Variants in XRN1 observed in about 807,000 individuals in gnomAD.
XRN1 encodes 5'-3' exoribonuclease 1.
XRN1 carries 67 observed loss-of-function variants against 222.3 expected under a neutral mutation model. That is an observed-to-expected ratio of 0.30 (90% CI 0.25 to 0.37). XRN1 has a LOEUF of 0.37. XRN1 is among the 10% of genes least tolerant of loss of function. The pLI is 1.00. For synonymous variants in XRN1, 643 were observed against 652.4 expected (o/e 0.99, Z 0.22); for missense variants, 1,707 against 2,000.2 (o/e 0.85, Z 2.80).
chr3:142,396,274 A>G (rs2067928845), intron 20 of XRN1, among the ~76,000 whole-genome samples: 1 of 152,194 alleles, frequency 6.6e-6, no homozygotes, highest in African/African-American at 2.4e-5. Context: ...AGGAGTCTTG[A>G]CTAAAATATT....
chr3:142,397,577 C>T (rs2067977285), intron 19 of XRN1, 117 bp from the exon 20 acceptor site: 5 of 682,846 alleles, frequency 7.3e-6, no homozygotes, highest in Non-Finnish European at 1.1e-5. Context: ...GCAAAAAACC[C>T]CACAACTGTA....
At chr3:142,321,105 CT>C (rs573856556) in intron 37 of XRN1, among the ~76,000 whole-genome samples, 432 of 87,296 alleles carry the variant, frequency 4.9e-3, no homozygotes, top group African/African-American at 0.018. Context: ...CATCCACTTC[CT>C]TTTTTTTTTT....
chr3:142,337,874 C>T (rs554584609), intron 33 of XRN1, among the ~76,000 whole-genome samples: 5 of 152,226 alleles, frequency 3.3e-5, no homozygotes, highest in Admixed American at 2.0e-4. Context: ...AGAGAATGGG[C>T]ATAAATTAGC....
chr3:142,431,912 AAAT>A (rs1175268408), intron 2 of XRN1, among the ~76,000 whole-genome samples: 5 of 41,368 alleles, frequency 1.2e-4, no homozygotes, highest in Non-Finnish European at 2.1e-4. Flanking sequence ...TTATATATAT[AAAT>A]ATATATAATA....
At chr3:142,398,087 T>TA (rs969134516) in intron 19 of XRN1, among the ~76,000 whole-genome samples, 2 of 150,940 alleles carry the variant, frequency 1.3e-5, no homozygotes, top group East Asian at 3.9e-4. Context: ...CAAAGAAAAA[T>TA]AAAAAAAATA....
rs1414340678 is a variant in XRN1 at position 142,423,574 on chromosome 3, G to T, written c.696C>A (p.Gly232=). Residue 232 remains glycine, a synonymous_variant, in exon 6 of 41, where the codon GGC becomes GGA. Coordinates refer to ENST00000392981, the MANE Select transcript of XRN1 (RefSeq NM_001282857.2). The part of the protein sequence containing the change: ...SLLREEVRFG[G]KKTQRVCAPE... Reference sequence around the variant, plus strand: ...ATATAATTTACCGTTGTGTTTTTTTGCCACCAAATCGAACTTCTTCTCTTA... The same window carrying T: ...ATATAATTTACCGTTGTGTTTTTTTTCCACCAAATCGAACTTCTTCTCTTA... 5 of 1,596,048 alleles carry T rather than the reference G, an allele frequency of 3.1e-6. No individual in the cohort carries two copies. The highest frequency in any genetic ancestry group is 2.6e-6 in the Non-Finnish European group (3 of 1,173,180).
Position 142,311,385 on chromosome 3 carries a change from G to GA in XRN1, c.*125dup. On this transcript the variant is annotated 3_prime_UTR_variant, in exon 41 of 41. Coordinates refer to ENST00000392981, the MANE Select transcript of XRN1 (RefSeq NM_001282857.2). Reference sequence around the variant, plus strand: ...GAAAAGTGCCTGATAACTTAAAAATGAAAAAAATTTCAATTTACACATATT... The same window carrying GA: ...GAAAAGTGCCTGATAACTTAAAAATGAAAAAAAATTTCAATTTACACATATT... 2 of 941,302 alleles carry GA rather than the reference G, an allele frequency of 2.1e-6. No homozygotes were observed. The highest frequency in any genetic ancestry group is 2.8e-5 in the East Asian group (1 of 36,286). 58.3% of individuals were successfully genotyped at this position (941,302 alleles called of 1,614,324 possible).
At chr3:142,413,997 G>A (rs2068690726) in intron 14 of XRN1, 138 bp downstream of exon 14, 1 of 898,264 alleles carries the variant, frequency 1.1e-6, no homozygotes, top group African/African-American at 1.7e-5. Flanking sequence ...CAAGGGACTT[G>A]TTAAAAAAAT....
At position 142,311,595 on chromosome 3, in the gene XRN1, G is replaced by T; in HGVS notation, c.5001C>A (p.His1667Gln). The change falls in exon 41 of 41, where the codon CAC becomes CAA. Residue 1667 changes from histidine (H) to glutamine (Q), a missense_variant. This residue lies in a region of XRN1 where 473 missense variants were observed against 482.0 expected (regional missense o/e 0.98). Transcript: ENST00000392981. ...ETASQGHSISHHKSTPISSSR... is the reference protein window; with the variant it reads ...ETASQGHSISQHKSTPISSSR... ...AAGAAGAGATTGGTGTTGACTTATG[G>T]TGAGATATACTATGGCCTTGAGAGG... The T allele has an allele frequency of 6.2e-7, 1 of 1,614,052 alleles. No individual in the cohort carries two copies.
At chr3:142,376,382 C>A (rs1311584249) in intron 24 of XRN1, 97 bp downstream of exon 24, 20 of 957,232 alleles carry the variant, frequency 2.1e-5, no homozygotes, top group Non-Finnish European at 3.2e-5. Flanking sequence ...CAATCCAGAG[C>A]AATTAATAAG....
intron 20 of XRN1, among the ~76,000 whole-genome samples, chr3:142,395,505 C>G (rs1217799159): frequency 1.3e-5 from 2 of 152,144 alleles, no homozygotes; most frequent in Non-Finnish European, 2.9e-5. Context: ...AGTTCAAGCT[C>G]ATTCAGAAGG....
chr3:142,418,371 T>C, intron 12 of XRN1, 133 bp downstream of exon 12: 3 of 635,474 alleles, frequency 4.7e-6, no homozygotes, highest in East Asian at 2.9e-5. Flanking sequence ...ACCAGACTAG[T>C]TGAAACATAC....
chr3:142,405,179 C>A, intron 15 of XRN1, 103 bp from the exon 16 acceptor site: 1 of 1,230,182 alleles, frequency 8.1e-7, no homozygotes, highest in Admixed American at 2.5e-5. Flanking sequence ...ACCATTTGTG[C>A]TCTTGAAAAA....
At chr3:142,384,189 G>A (rs1413149028) in intron 21 of XRN1, among the ~76,000 whole-genome samples, 3 of 150,926 alleles carry the variant, frequency 2.0e-5, no homozygotes, top group South Asian at 2.1e-4. Flanking sequence ...GGAGAATGGC[G>A]TGAACCCAGA....
At chr3:142,421,604 C>G in intron 8 of XRN1, 61 bp from the exon 9 acceptor site, 3 of 1,231,758 alleles carry the variant, frequency 2.4e-6, no homozygotes, top group Non-Finnish European at 3.5e-6. Context: ...AACAATTCTA[C>G]AAAACTCTTT....
At chr3:142,422,384 T>C (rs1372968478) in intron 8 of XRN1, among the ~76,000 whole-genome samples, 198 bp downstream of exon 8, 1 of 152,196 alleles carries the variant, frequency 6.6e-6, no homozygotes, top group African/African-American at 2.4e-5. Flanking sequence ...TAATTGAGGT[T>C]CGTTAACTCT....
chr3:142,380,956 A>G (rs1485551447), intron 22 of XRN1, among the ~76,000 whole-genome samples: 3 of 151,732 alleles, frequency 2.0e-5, no homozygotes, highest in Non-Finnish European at 4.4e-5. Flanking sequence ...GCTTGGCCCA[A>G]TCATTCTTTT....
chr3:142,376,462 C>A lies in XRN1; in HGVS notation c.2831+17G>T. The A allele has an allele frequency of 6.4e-7, 1 of 1,563,320 alleles. No homozygotes were observed. On this transcript the variant is annotated intron_variant, in intron 24 of 40. Coordinates refer to ENST00000392981, the MANE Select transcript of XRN1 (RefSeq NM_001282857.2). ...TTTTTCTGCCACTTTAAGTAAATTT[C>A]TCTAACATAAACTTACTTTCTCCTA...
chr3:142,439,070 G>A (rs2070069947), intron 1 of XRN1, among the ~76,000 whole-genome samples: 1 of 152,188 alleles, frequency 6.6e-6, no homozygotes, highest in African/African-American at 2.4e-5. Context: ...CAGAGTGCAT[G>A]TACCTTTTTC....
Sources: gnomAD v4.1 joint callset for allele counts (sites outside exome capture counted in the v4.1 genomes callset) on GRCh38, gnomAD v4.1.1 for gene constraint, gnomAD v4.1.1 regional missense constraint, MANE v1.5 for transcripts, NCBI Gene and HGNC (gene_info 2026-07-23, HGNC 2026-07-21) for gene names.